The following IBSP variants were observed in gnomAD, a reference collection of about 807,000 sequenced individuals.
The protein encoded by IBSP is integrin-binding sialoprotein.
IBSP carries 19 observed loss-of-function variants against 25.5 expected under a neutral mutation model. That is an observed-to-expected ratio of 0.74 (90% CI 0.52 to 1.09). IBSP has a LOEUF of 1.09. Ranked by LOEUF, IBSP falls within the 50% of genes least tolerant of loss-of-function variation. The pLI is 0.00. For synonymous variants in IBSP, 144 were observed against 137.6 expected (o/e 1.05, Z -0.33); for missense variants, 360 against 382.3 (o/e 0.94, Z 0.49).
At chr4:87,806,258 T>C (rs1347147479) in intron 5 of IBSP, 74 bp downstream of exon 5, 3 of 1,123,016 alleles carry the variant, frequency 2.7e-6, no homozygotes, top group Non-Finnish European at 4.0e-6. Context: ...TCTATTGCAT[T>C]CTGGACTCAG....
At position 87,811,464 on chromosome 4, in the gene IBSP, G is replaced by A. The variant is rs372306426; in HGVS notation, c.508G>A (p.Asp170Asn). The A allele has an allele frequency of 1.2e-6, 2 of 1,613,942 alleles. No individual in the cohort carries two copies. Among genetic ancestry groups the A allele is most frequent in the Non-Finnish European group, 1.7e-6 (2 of 1,179,932 alleles). The change falls in exon 7 of 7, where the codon GAT (aspartate) becomes AAT (asparagine). Residue 170 changes from aspartate (D) to asparagine (N), a missense_variant. Asp to Asn is a conservative substitution (Grantham distance 23). Transcript: ENST00000226284. ...NENEESEAEV[D>N]ENEQGINGTS... The stretch of plus-strand genomic sequence containing the variant: ...AAACGAAGAAAGCGAAGCAGAAGTG[G>A]ATGAAAACGAACAAGGCATAAACGG...
intron 5 of IBSP, among the ~76,000 whole-genome samples, chr4:87,808,849 G>A (rs1722128618): frequency 1.3e-5 from 2 of 152,150 alleles, no homozygotes; most frequent in South Asian, 4.1e-4. Flanking sequence ...TTCTTCTGTT[G>A]ATGGGCACTT....
rs558799400 is a variant in IBSP at position 87,805,599 on chromosome 4, C to T, written c.184-523C>T. Among the ~76,000 whole-genome samples, 132 of 152,264 alleles carry T rather than the reference C, an allele frequency of 8.7e-4. 1 individual carries two copies. Among genetic ancestry groups the T allele is most frequent in the Middle Eastern group, 6.8e-3 (2 of 294 alleles). On this transcript the variant is annotated intron_variant, in intron 4 of 6. Coordinates refer to ENST00000226284, the MANE Select transcript of IBSP (RefSeq NM_004967.4). ...TATGTAAGAGAATCATCTATAACAA[C>T]TTTTATAGTAAGCTGAATGATTTCT...
chr4:87,804,420 C>G (rs191757423), intron 4 of IBSP, among the ~76,000 whole-genome samples: 19 of 152,252 alleles, frequency 1.2e-4, no homozygotes, highest in African/African-American at 3.9e-4. Flanking sequence ...AGCAAGCTAT[C>G]TATTGTGGCT....
Position 87,811,655 on chromosome 4 carries a change from T to G in IBSP, c.699T>G (p.Gly233=). ...CGAAGACAACAACCTCTCCAAATGGTGGGTTTGAACCTACAACCCCACCAC... is the reference window on the plus strand; with the variant it reads ...CGAAGACAACAACCTCTCCAAATGGGGGGTTTGAACCTACAACCCCACCAC... ...GTSKTTTSPN[G]GFEPTTPPQV... The change falls in exon 7 of 7, where the codon GGT becomes GGG. Residue 233 remains glycine (G), a synonymous_variant. Transcript: ENST00000226284. The G allele has an allele frequency of 1.2e-6, 2 of 1,612,944 alleles. No homozygotes were observed. Among genetic ancestry groups the G allele is most frequent in the Non-Finnish European group, 1.7e-6 (2 of 1,179,792 alleles).
chr4:87,804,504 G>A (rs1190324633), intron 4 of IBSP, among the ~76,000 whole-genome samples: 1 of 152,158 alleles, frequency 6.6e-6, no homozygotes, highest in Non-Finnish European at 1.5e-5. Context: ...TGAGAAAATT[G>A]TCATTTTGTG....
rs1330312394 is a variant in IBSP at position 87,810,780 on chromosome 4, T to C, written c.405+16T>C. On this transcript the variant is annotated intron_variant, in intron 6 of 6. Transcript: ENST00000226284. ...TCCCAAGAAGGTAACAATGGAATTA[T>C]TCCTCCAAAATGAAATTATTACCAT... 1 of 1,597,590 alleles carries C rather than the reference T, an allele frequency of 6.3e-7. No homozygotes were observed. Among genetic ancestry groups the C allele is most frequent in the East Asian group, 2.2e-5 (1 of 44,724 alleles).
At chr4:87,802,591 T>C (rs1722036452) in intron 3 of IBSP, 33 bp downstream of exon 3, 1 of 1,581,856 alleles carries the variant, frequency 6.3e-7, no homozygotes, top group Non-Finnish European at 8.6e-7. Context: ...CTTGGCCTGA[T>C]TATACTTGCT....
chr4:87,807,063 AT>A (rs1377467908), intron 5 of IBSP, among the ~76,000 whole-genome samples: 1 of 152,124 alleles, frequency 6.6e-6, no homozygotes, highest in Non-Finnish European at 1.5e-5. Context: ...TAGTAATAAA[AT>A]TCATAGGTAT....
At chr4:87,800,890 A>G (rs1722004009) in intron 1 of IBSP, among the ~76,000 whole-genome samples, 1 of 152,180 alleles carries the variant, frequency 6.6e-6, no homozygotes, top group South Asian at 2.1e-4. Context: ...CATCACCACT[A>G]CATTTTGCTT....
Position 87,811,507 on chromosome 4 carries a change from C to A in IBSP, c.551C>A (p.Thr184Lys), listed in dbSNP as rs778598730. ...ATAAACGGCACCAGTACCAACAGCA[C>A]AGAGGCAGAAAACGGCAACGGCAGC... The part of the protein sequence containing the change: ...QGINGTSTNS[T>K]EAENGNGSSG... Residue 184 changes from threonine to lysine, a missense_variant, in exon 7 of 7, where the codon ACA becomes AAA. By Grantham distance (78) the Thr-to-Lys change is moderately conservative. Coordinates refer to ENST00000226284, the MANE Select transcript of IBSP (RefSeq NM_004967.4). 7 of 1,613,854 alleles carry A rather than the reference C, an allele frequency of 4.3e-6. No homozygotes were observed. Among genetic ancestry groups the A allele is most frequent in the Non-Finnish European group, 5.9e-6 (7 of 1,179,964 alleles).
In IBSP at chr4:87,811,901, C is replaced by T; in HGVS notation, c.945C>T (p.His315=). 1.3e-6 allele frequency: 2 copies of T among 1,517,990 alleles called. No homozygotes were observed. The highest frequency in any genetic ancestry group is 8.8e-7 in the Non-Finnish European group (1 of 1,134,026). The allele number at this position is 1,517,990 out of a possible 1,614,324, so 94.0% of individuals were successfully genotyped here. A position where few individuals can be genotyped will look rare whatever the true frequency, so the allele number is the denominator to read the frequency against. The part of the protein sequence containing the change: ...YDGYDGQNYY[H]HQ ...GCTATGATGGTCAGAATTACTACCA[C>T]CACCAGTGAAGCTCCAGCCTGGGAT... Residue 315 remains histidine (H), a synonymous_variant, in exon 7 of 7, where the codon CAC becomes CAT. Transcript: ENST00000226284.
chr4:87,801,414 A>G lies in IBSP; in HGVS notation c.-14-934A>G, dbSNP rs114685285. 2.3e-3 allele frequency among the ~76,000 whole-genome samples: 351 copies of G among 151,688 alleles called. 3 individuals are homozygous for G. Among genetic ancestry groups the G allele is most frequent in the African/African-American group, 7.7e-3 (320 of 41,338 alleles). On this transcript the variant is annotated intron_variant, in intron 1 of 6. Transcript: ENST00000226284. ...TTGCTGTTGCGTGCTACATGATGTC[A>G]GTGTGATATTTCATATATTATGGAT...
rs779258750 is a variant in IBSP, at chr4:87,811,806, G to C, written c.850G>C (p.Glu284Gln). The change falls in exon 7 of 7, where the codon GAA becomes CAA. Residue 284 changes from glutamate (E) to glutamine (Q), a missense_variant. Transcript: ENST00000226284. The stretch of plus-strand genomic sequence containing the variant: ...TGAAATCTATGAAAGTGAGAACGGG[G>C]AACCTCGTGGGGACAATTACCGAGC... The part of the protein sequence containing the change: ...GYEIYESENG[E>Q]PRGDNYRAYE... The C allele has an allele frequency of 6.2e-7, 1 of 1,612,524 alleles. No homozygotes were observed. The highest frequency in any genetic ancestry group is 1.3e-5 in the African/African-American group (1 of 74,876).
chr4:87,809,316 G>A (rs1324755543), intron 5 of IBSP, among the ~76,000 whole-genome samples: 1 of 152,054 alleles, frequency 6.6e-6, no homozygotes, highest in Non-Finnish European at 1.5e-5. Flanking sequence ...ATAAAAGTTG[G>A]GATATTGGGC....
At chr4:87,809,157 T>A (rs1234364691) in intron 5 of IBSP, among the ~76,000 whole-genome samples, 2 of 152,192 alleles carry the variant, frequency 1.3e-5, no homozygotes, top group African/African-American at 2.4e-5. Context: ...ATAATATCTT[T>A]GTAAGCGCAA....
chr4:87,810,743 T>A lies in IBSP; in HGVS notation c.384T>A (p.Ala128=). Residue 128 remains alanine (A), a synonymous_variant, in exon 6 of 7, where the codon GCT becomes GCA. Transcript: ENST00000226284. ...ATPGTGYTGL[A]AIQLPKKAGD... is the part of the protein sequence containing the mutation. Reference sequence around the variant, plus strand: ...CTGGCACAGGGTATACAGGGTTAGCTGCAATCCAGCTTCCCAAGAAGGTAA... The same window carrying A: ...CTGGCACAGGGTATACAGGGTTAGCAGCAATCCAGCTTCCCAAGAAGGTAA... 6.2e-7 allele frequency: 1 copy of A among 1,610,838 alleles called. No homozygotes were observed. Among genetic ancestry groups the A allele is most frequent in the Non-Finnish European group, 8.5e-7 (1 of 1,179,108 alleles).
In IBSP at chr4:87,811,759, C is replaced by T. The variant is rs1054628; in HGVS notation, c.803C>T (p.Ala268Val). The change falls in exon 7 of 7, where the codon GCC becomes GTC. Residue 268 changes from alanine (A) to valine (V), a missense_variant. Physicochemically the swap from Ala to Val is moderately conservative, Grantham distance 64 (BLOSUM62 0). Coordinates refer to ENST00000226284, the MANE Select transcript of IBSP (RefSeq NM_004967.4). The part of the protein sequence containing the change: ...EYEGEYEYTG[A>V]NEYDNGYEIY... ...GAGGGGGAGTACGAATACACGGGCGCCAATGAATACGACAATGGATATGAA... is the reference window on the plus strand; with the variant it reads ...GAGGGGGAGTACGAATACACGGGCGTCAATGAATACGACAATGGATATGAA... 0.17 allele frequency: 267,697 copies of T among 1,613,512 alleles called. 23,873 individuals carry two copies. Among genetic ancestry groups the T allele is most frequent in the East Asian group, 0.31 (14,070 of 44,836 alleles).
At chr4:87,806,306 T>A (rs1722089102) in intron 5 of IBSP, 122 bp downstream of exon 5, 5 of 724,762 alleles carry the variant, frequency 6.9e-6, no homozygotes, top group South Asian at 6.8e-5. Context: ...GCCCATAATA[T>A]CCTATTTTGG....
Sources: gnomAD v4.1 joint callset for allele counts (sites outside exome capture counted in the v4.1 genomes callset) on GRCh38, gnomAD v4.1.1 for gene constraint, MANE v1.5 for transcripts, NCBI Gene and HGNC (gene_info 2026-07-23, HGNC 2026-07-21) for gene names.